MAX: variants seen among roughly 807,000 people sequenced by gnomAD.
The protein encoded by MAX is MYC associated transcriptional regulator X, also known as protein max.
MAX carries 3 observed loss-of-function variants against 22.3 expected under a neutral mutation model. The ratio of observed to expected loss-of-function variants is 0.13; its 90% confidence interval spans 0.06 to 0.35. The LOEUF (loss-of-function observed/expected upper bound fraction) is 0.35, where lower values mean the gene tolerates loss of function less well. MAX is among the 10% of genes least tolerant of loss of function. The pLI is 1.00. For missense variants in MAX, 119 were observed against 209.4 expected, an observed-to-expected ratio of 0.57 and a Z score of 2.66; for synonymous variants, 72 against 77.7, an observed-to-expected ratio of 0.93 and a Z score of 0.39.
In MAX at chr14:65,029,604, T is replaced by C. The variant is rs2062042365; in HGVS notation, c.172-23320A>G. Reference sequence around the variant, plus strand: ...TCCTTTCTAGGTTATATAATCTAGATCATTCTGTGAGGATAAGGTGGAGGC... The same window carrying C: ...TCCTTTCTAGGTTATATAATCTAGACCATTCTGTGAGGATAAGGTGGAGGC... On this transcript the variant is annotated intron_variant, in intron 3 of 3. Coordinates refer to the MAX transcript ENST00000341653. The surrounding 1 kb of genome is among the most constrained non-coding windows in gnomAD (Gnocchi z 4.7). 1.3e-5 allele frequency among the ~76,000 whole-genome samples: 2 copies of C among 152,188 alleles called. No individual in the cohort carries two copies. Among genetic ancestry groups the C allele is most frequent in the African/African-American group, 4.8e-5 (2 of 41,440 alleles).
In MAX at chr14:65,014,919, A is replaced by C. The variant is rs1404067868; in HGVS notation, c.172-8635T>G. On this transcript the variant is annotated intron_variant, in intron 3 of 3. Coordinates refer to the MAX transcript ENST00000341653. This position sits in a 1 kb window ranked among gnomAD's most constrained non-coding sequence, Gnocchi z 5.1. The stretch of plus-strand genomic sequence containing the variant: ...CAAATATTTGTTGAATCAGTGATTG[A>C]GTTAAGCTAGGAAATCTCTTCAGAG... Among the ~76,000 whole-genome samples, 1 of 152,028 alleles carries C rather than the reference A, an allele frequency of 6.6e-6. No homozygotes were observed. The highest frequency in any genetic ancestry group is 1.9e-4 in the East Asian group (1 of 5,198).
intron 3 of MAX, among the ~76,000 whole-genome samples, chr14:65,035,677 G>C (rs761904568): frequency 2.0e-5 from 3 of 151,736 alleles, no homozygotes; most frequent in Non-Finnish European, 4.4e-5. Context: ...CAACAAGCGC[G>C]TGCCACCATA....
At chr14:65,016,233 C>T (rs1303197710) in intron 3 of MAX, among the ~76,000 whole-genome samples, 1 of 152,164 alleles carries the variant, frequency 6.6e-6, no homozygotes, top group Non-Finnish European at 1.5e-5. Context: ...TTTCCTAAAC[C>T]TGATCGATGA....
In MAX at chr14:65,037,403, C is replaced by CTTTTTTTTTTTTTTTTTTTTTTTTTT. The variant is rs1555335876; in HGVS notation, c.172-31145_172-31120dup. ...TAGGCGTGAGCCACCACGCCGGGCC[C>CTTTTTTTTTTTTTTTTTTTTTTTTTT]TTTTTTTTTTTTTTTTTTTTTTTTT... On this transcript the variant is annotated intron_variant, in intron 3 of 3. Coordinates refer to the MAX transcript ENST00000341653. Among the ~76,000 whole-genome samples the CTTTTTTTTTTTTTTTTTTTTTTTTTT allele has an allele frequency of 3.0e-4, 9 of 29,678 alleles. 2 individuals are homozygous for CTTTTTTTTTTTTTTTTTTTTTTTTTT. The highest frequency in any genetic ancestry group is 8.4e-4 in the Admixed American group (2 of 2,374). 19.5% of individuals were successfully genotyped at this position (29,678 alleles called of 152,430 possible).
intron 3 of MAX, among the ~76,000 whole-genome samples, chr14:65,025,655 A>G (rs181777906): frequency 6.6e-6 from 1 of 152,230 alleles, no homozygotes; most frequent in Non-Finnish European, 1.5e-5. Flanking sequence ...TCTTTATAAA[A>G]AATACAAAAA....
At chr14:65,026,854 C>T (rs1378828661) in intron 3 of MAX, among the ~76,000 whole-genome samples, 1 of 151,556 alleles carries the variant, frequency 6.6e-6, no homozygotes, top group Non-Finnish European at 1.5e-5. Context: ...CGAGGGCAAC[C>T]CCGCCTCAAA....
chr14:65,019,818 TAAGG>T (rs2061852609), intron 3 of MAX, among the ~76,000 whole-genome samples: 1 of 152,194 alleles, frequency 6.6e-6, no homozygotes, highest in Non-Finnish European at 1.5e-5. Context: ...CTCTGACCCA[TAAGG>T]AAATAGATTA....
At chr14:65,065,168 T>G (rs1227739832) in intron 3 of MAX, among the ~76,000 whole-genome samples, 1 of 152,210 alleles carries the variant, frequency 6.6e-6, no homozygotes, top group Non-Finnish European at 1.5e-5. Context: ...TATTAGGGGA[T>G]GGTAGAATGT....
chr14:65,094,272 G>A (rs2063598293), intron 2 of MAX: 1 of 237,692 alleles, frequency 4.2e-6, no homozygotes, highest in South Asian at 5.8e-5. Context: ...AGTCACTGGT[G>A]CTTCTTTAAT....
intron 3 of MAX, among the ~76,000 whole-genome samples, chr14:65,033,917 T>C (rs1034110457): frequency 1.2e-4 from 18 of 152,228 alleles, no homozygotes; most frequent in African/African-American, 4.1e-4. Flanking sequence ...ATAGCCAAGC[T>C]GAGATACTGT....
rs533427131 is a variant in MAX, at chr14:65,100,177, C to T, written c.63+1369G>A. On this transcript the variant is annotated intron_variant, in intron 2 of 4. Transcript: ENST00000358664. Reference sequence around the variant, plus strand: ...TTAAAAAATAGGAAGATCGGCTGGGCGTGGTGGCTCATGCCTGTAATCCCA... The same window carrying T: ...TTAAAAAATAGGAAGATCGGCTGGGTGTGGTGGCTCATGCCTGTAATCCCA... Among the ~76,000 whole-genome samples the T allele has an allele frequency of 9.9e-5, 15 of 152,220 alleles. No homozygotes were observed. In the East Asian group the frequency reaches 1.4e-3, roughly 14 times the overall value.
intron 3 of MAX, among the ~76,000 whole-genome samples, chr14:65,086,005 T>A (rs1480363992): frequency 6.6e-6 from 1 of 152,214 alleles, no homozygotes; most frequent in Non-Finnish European, 1.5e-5. Context: ...TGGGGGTTGG[T>A]CTTTCCCATG....
rs2063147412 is a variant in MAX, at chr14:65,079,420, C to T, written c.172-1384G>A. Among the ~76,000 whole-genome samples the T allele has an allele frequency of 1.3e-5, 2 of 152,350 alleles. No homozygotes were observed. Among genetic ancestry groups the T allele is most frequent in the South Asian group, 4.1e-4 (2 of 4,832 alleles). ...AGTCAATAACATGGATGTCATGTTA[C>T]TGTGCCCCTAGACATCAAACTTGTC... On this transcript the variant is annotated intron_variant, in intron 3 of 4. Coordinates refer to ENST00000358664, the MANE Select transcript of MAX (RefSeq NM_002382.5). The surrounding 1 kb of genome is among the most constrained non-coding windows in gnomAD (Gnocchi z 4.5).
intron 3 of MAX, chr14:65,053,369 G>A (rs76396089): frequency 0.018 from 25,222 of 1,403,284 alleles, 266 homozygotes; most frequent in Admixed American, 0.022. Context: ...TTCTCTCTGG[G>A]GAGGGAAGGG....
rs1566572151 is a variant in MAX at position 65,047,357 on chromosome 14, AGACT to A, written c.172-41077_172-41074del. Among the ~76,000 whole-genome samples, 1 of 152,260 alleles carries A rather than the reference AGACT, an allele frequency of 6.6e-6. No homozygotes were observed. Among genetic ancestry groups the A allele is most frequent in the African/African-American group, 2.4e-5 (1 of 41,466 alleles). The stretch of plus-strand genomic sequence containing the variant: ...GGTTAGTATGTGGTTGTGTGAATCC[AGACT>A]AGCTGGCATCTGAACCCTGCCCTGC... On this transcript the variant is annotated intron_variant, in intron 3 of 3. Transcript: ENST00000341653. This position sits in a 1 kb window ranked among gnomAD's most constrained non-coding sequence, Gnocchi z 5.2.
intron 2 of MAX, 30 bp downstream of exon 2, chr14:65,101,516 T>A (rs1566633524): frequency 3.1e-6 from 5 of 1,595,394 alleles, no homozygotes; most frequent in Non-Finnish European, 4.3e-6. Flanking sequence ...TGAACGGAAA[T>A]AAAAATGAAA....
At chr14:65,034,206 T>C (rs952672692) in intron 3 of MAX, among the ~76,000 whole-genome samples, 1 of 152,212 alleles carries the variant, frequency 6.6e-6, no homozygotes, top group African/African-American at 2.4e-5. Flanking sequence ...CCCTCTGCCC[T>C]CCTGCTTCAG....
chr14:65,080,313 G>C (rs980384633), intron 3 of MAX, among the ~76,000 whole-genome samples: 1 of 152,192 alleles, frequency 6.6e-6, no homozygotes, highest in Non-Finnish European at 1.5e-5. Context: ...AGGAATGAGA[G>C]TTCCTAGCCT....
At position 65,007,525 on chromosome 14, in the gene MAX, A is replaced by C. The variant is rs901041422; in HGVS notation, c.172-1241T>G. ...AAGCTGAATAGCAGACTGGGCTGAAAGTCAAGCCTGGAGCTGAATGTCAGT... is the reference window on the plus strand; with the variant it reads ...AAGCTGAATAGCAGACTGGGCTGAACGTCAAGCCTGGAGCTGAATGTCAGT... On this transcript the variant is annotated intron_variant, in intron 3 of 3. Coordinates refer to the MAX transcript ENST00000341653. The surrounding 1 kb of genome is among the most constrained non-coding windows in gnomAD (Gnocchi z 4.9). Among the ~76,000 whole-genome samples the C allele has an allele frequency of 7.2e-5, 11 of 152,254 alleles. No individual in the cohort carries two copies. The highest frequency in any genetic ancestry group is 6.5e-4 in the Admixed American group (10 of 15,288).
Sources: allele counts gnomAD v4.1 joint callset (sites outside exome capture counted in the v4.1 genomes callset), GRCh38; gene constraint gnomAD v4.1.1; non-coding constraint Gnocchi (gnomAD v3.1); transcripts MANE v1.5; gene names NCBI Gene and HGNC (gene_info 2026-07-23, HGNC 2026-07-21).